CSMD2: variants seen among roughly 807,000 people sequenced by gnomAD.
CSMD2 encodes the protein CUB and Sushi multiple domains 2.
In CSMD2, 130 loss-of-function variants were observed where a neutral mutation model predicts 398.5. The observed-to-expected ratio is 0.33, with a 90% CI of 0.28 to 0.38. The LOEUF is 0.38. Ranked by LOEUF, CSMD2 falls within the 10% of genes least tolerant of loss-of-function variation. The probability of loss-of-function intolerance (pLI) is 1.00; values close to 1 mark genes in which losing one functional copy is unlikely to be tolerated. For missense variants in CSMD2, 3,829 were observed against 4,764.9 expected (o/e 0.80, Z 5.78); for synonymous variants, 1,828 against 1,908.5 (o/e 0.96, Z 1.10).
intron 29 of CSMD2, among the ~76,000 whole-genome samples, chr1:33,640,484 C>T (rs1643043084): frequency 6.6e-6 from 1 of 152,186 alleles, no homozygotes; most frequent in Admixed American, 6.5e-5. Context: ...TTTACTGGAA[C>T]ACAGCCATTT....
At chr1:34,090,521 C>A (rs1327013940) in intron 1 of CSMD2, among the ~76,000 whole-genome samples, 2 of 151,792 alleles carry the variant, frequency 1.3e-5, no homozygotes, top group African/African-American at 4.8e-5. Flanking sequence ...GTCCCCCCAC[C>A]CACTCTCTCC....
At chr1:33,548,572 T>C (rs1360280437) in intron 56 of CSMD2, among the ~76,000 whole-genome samples, 1 of 152,210 alleles carries the variant, frequency 6.6e-6, no homozygotes, top group Non-Finnish European at 1.5e-5. Context: ...AATTCATGAA[T>C]GTGTATTTCA....
chr1:34,071,199 C>T (rs1484607127), intron 2 of CSMD2, among the ~76,000 whole-genome samples: 3 of 152,234 alleles, frequency 2.0e-5, no homozygotes, highest in Non-Finnish European at 2.9e-5. Flanking sequence ...TTCGTGAAAA[C>T]ATCTGCTCCT....
At chr1:34,130,470 C>T (rs1261318736) in intron 1 of CSMD2, among the ~76,000 whole-genome samples, 2 of 149,512 alleles carry the variant, frequency 1.3e-5, no homozygotes, top group Admixed American at 1.3e-4. Flanking sequence ...GAGAAGCATG[C>T]AGGAGTGGTG....
chr1:33,533,946 C>A lies in CSMD2; in HGVS notation c.9880-39G>T. 7.5e-7 allele frequency: 1 copy of A among 1,325,590 alleles called. No homozygotes were observed. The highest frequency in any genetic ancestry group is 1.1e-6 in the Non-Finnish European group (1 of 919,880). 82.1% of individuals were successfully genotyped at this position (1,325,590 alleles called of 1,614,324 possible). A position where few individuals can be genotyped will look rare whatever the true frequency, so the allele number is the denominator to read the frequency against. ...CAAAGTCCCATCAGCCCCTTCCTTTCAGCGGTGCTTCCTACGTCTGTCCCT... is the reference window on the plus strand; with the variant it reads ...CAAAGTCCCATCAGCCCCTTCCTTTAAGCGGTGCTTCCTACGTCTGTCCCT... On this transcript the variant is annotated intron_variant, in intron 62 of 70. Transcript: ENST00000373381. This position sits in a 1 kb window ranked among gnomAD's most constrained non-coding sequence, Gnocchi z 4.2.
chr1:33,624,958 C>A lies in CSMD2; in HGVS notation c.5500+93G>T. ...GCGGTGGGAAGCGGCTGCTGTGTGT[C>A]GTGGGGCATCACTGGGGCTGACTGC... On this transcript the variant is annotated intron_variant, in intron 34 of 70. Transcript: ENST00000373381. The surrounding 1 kb of genome is among the most constrained non-coding windows in gnomAD (Gnocchi z 4.7). 1 of 1,289,454 alleles carries A rather than the reference C, an allele frequency of 7.8e-7. No homozygotes were observed. Among genetic ancestry groups the A allele is most frequent in the Non-Finnish European group, 1.1e-6 (1 of 898,312 alleles). 79.9% of individuals were successfully genotyped at this position (1,289,454 alleles called of 1,614,324 possible).
intron 1 of CSMD2, among the ~76,000 whole-genome samples, chr1:34,136,622 T>C (rs1218234854): frequency 6.6e-6 from 1 of 152,216 alleles, no homozygotes; most frequent in Non-Finnish European, 1.5e-5. Flanking sequence ...CTCTGCATCA[T>C]TCGCTTGTCA....
intron 5 of CSMD2, among the ~76,000 whole-genome samples, chr1:33,906,415 T>C (rs1643092397): frequency 6.6e-6 from 1 of 152,190 alleles, no homozygotes; most frequent in African/African-American, 2.4e-5. Flanking sequence ...AATTGGACAG[T>C]GCCAAGATGC....
At chr1:33,837,250 G>A (rs1275958266) in intron 6 of CSMD2, among the ~76,000 whole-genome samples, 1 of 152,120 alleles carries the variant, frequency 6.6e-6, no homozygotes, top group African/African-American at 2.4e-5. Context: ...GAGAGTCAGA[G>A]AACAAAGGCA....
At chr1:33,593,164 A>G (rs968924809) in intron 44 of CSMD2, among the ~76,000 whole-genome samples, 11 of 152,210 alleles carry the variant, frequency 7.2e-5, no homozygotes, top group Non-Finnish European at 1.2e-4. Context: ...ACATGCTATA[A>G]CATGGAACCT....
chr1:33,747,029 G>A (rs1330028012), intron 13 of CSMD2, among the ~76,000 whole-genome samples: 5 of 152,206 alleles, frequency 3.3e-5, no homozygotes, highest in Non-Finnish European at 7.3e-5. Context: ...GAGCCAAGTT[G>A]TTAAACAGCA....
At chr1:33,691,096 A>G (rs994844113) in intron 25 of CSMD2, among the ~76,000 whole-genome samples, 3 of 152,236 alleles carry the variant, frequency 2.0e-5, no homozygotes, top group African/African-American at 4.8e-5. Flanking sequence ...GGAAGGGCAG[A>G]GTAGAAACAA....
At chr1:33,695,679 G>A (rs1210538101) in intron 24 of CSMD2, among the ~76,000 whole-genome samples, 2 of 152,164 alleles carry the variant, frequency 1.3e-5, no homozygotes, top group African/African-American at 2.4e-5. Context: ...TGCCATCAAC[G>A]GATCTTTATC....
intron 13 of CSMD2, chr1:33,772,279 G>T: frequency 7.3e-6 from 2 of 275,602 alleles, no homozygotes; most frequent in East Asian, 7.4e-5. Context: ...AGCCTGGTGG[G>T]CTTTGTCCCA....
chr1:33,972,192 A>G (rs61769942), intron 3 of CSMD2, among the ~76,000 whole-genome samples: 36,704 of 152,082 alleles, frequency 0.24, 5,549 homozygotes, highest in Non-Finnish European at 0.34. Flanking sequence ...AGAGAAAAGA[A>G]AAAGGGGAAT....
intron 1 of CSMD2, 116 bp from the exon 2 acceptor site, chr1:34,089,309 G>A (rs939965869): frequency 6.2e-6 from 6 of 971,008 alleles, no homozygotes; most frequent in African/African-American, 4.8e-5. Flanking sequence ...TGCTTCCCAT[G>A]AGCCAGCCCT....
chr1:33,676,822 T>C (rs1441615629), intron 25 of CSMD2, among the ~76,000 whole-genome samples: 2 of 152,220 alleles, frequency 1.3e-5, no homozygotes, highest in African/African-American at 4.8e-5. Flanking sequence ...TACAACCACC[T>C]GATCTTTGAC....
At chr1:33,751,635 A>G (rs1648263627) in intron 13 of CSMD2, among the ~76,000 whole-genome samples, 1 of 152,072 alleles carries the variant, frequency 6.6e-6, no homozygotes, top group Non-Finnish European at 1.5e-5. Flanking sequence ...TAAAATTATT[A>G]TTATTGAGAC....
chr1:33,529,978 T>C (rs936334831), intron 64 of CSMD2, among the ~76,000 whole-genome samples: 1 of 152,144 alleles, frequency 6.6e-6, no homozygotes, highest in Non-Finnish European at 1.5e-5. Context: ...GAATAGACAT[T>C]TCTCTAAGGA....
Sources: allele counts gnomAD v4.1 joint callset (sites outside exome capture counted in the v4.1 genomes callset), GRCh38; gene constraint gnomAD v4.1.1; non-coding constraint Gnocchi (gnomAD v3.1); transcripts MANE v1.5; gene names NCBI Gene and HGNC (gene_info 2026-07-23, HGNC 2026-07-21).